The following CAMK4 variants were observed in gnomAD, a reference collection of about 807,000 sequenced individuals.
CAMK4 encodes the protein calcium/calmodulin-dependent protein kinase type IV.
Under a neutral mutation model 44.9 loss-of-function variants are expected in CAMK4, and 22 were observed. That is an observed-to-expected ratio of 0.49 (90% confidence interval 0.35 to 0.70). The LOEUF (loss-of-function observed/expected upper bound fraction) is 0.70, where lower values mean the gene tolerates loss of function less well. Ranked by LOEUF, CAMK4 falls within the 30% of genes least tolerant of loss-of-function variation. The probability of loss-of-function intolerance (pLI) is 0.01; values close to 1 mark genes in which losing one functional copy is unlikely to be tolerated. For synonymous variants in CAMK4, 218 were observed against 215.4 expected (o/e 1.01, Z -0.11); for missense variants, 498 against 586.8 (o/e 0.85, Z 1.56).
At chr5:111,267,543 A>T (rs1386295793) in intron 1 of CAMK4, among the ~76,000 whole-genome samples, 2 of 151,922 alleles carry the variant, frequency 1.3e-5, no homozygotes, top group South Asian at 4.1e-4. Flanking sequence ...TCTCTACTAA[A>T]AATACAAAAA....
At chr5:111,253,786 T>C (rs1338656676) in intron 1 of CAMK4, among the ~76,000 whole-genome samples, 9 of 152,216 alleles carry the variant, frequency 5.9e-5, no homozygotes, top group Admixed American at 3.3e-4. Flanking sequence ...AATTTCCATT[T>C]TAATTTTCTA....
intron 1 of CAMK4, among the ~76,000 whole-genome samples, chr5:111,315,688 C>T (rs1021211442): frequency 6.6e-5 from 10 of 151,930 alleles, no homozygotes; most frequent in African/African-American, 2.2e-4. Context: ...CCCCAATGTG[C>T]GTAGGAGGAG....
intron 1 of CAMK4, among the ~76,000 whole-genome samples, chr5:111,310,710 G>A (rs1580568264): frequency 1.3e-5 from 2 of 152,160 alleles, no homozygotes; most frequent in Non-Finnish European, 2.9e-5. Flanking sequence ...CTAAGGGTAT[G>A]TTCTGAGCGA....
At chr5:111,253,966 C>A (rs960867017) in intron 1 of CAMK4, among the ~76,000 whole-genome samples, 4 of 152,086 alleles carry the variant, frequency 2.6e-5, no homozygotes, top group African/African-American at 9.7e-5. Flanking sequence ...TAAGCATTTT[C>A]TTTTCACCTG....
At chr5:111,226,272 A>G (rs1244703450) in intron 1 of CAMK4, among the ~76,000 whole-genome samples, 3 of 152,202 alleles carry the variant, frequency 2.0e-5, no homozygotes, top group East Asian at 3.8e-4. Context: ...GAAAAATGGG[A>G]AAAAAATAAA....
chr5:111,258,332 T>G (rs933452865), intron 1 of CAMK4, among the ~76,000 whole-genome samples: 5 of 152,194 alleles, frequency 3.3e-5, no homozygotes, highest in African/African-American at 4.8e-5. Context: ...AATACCGCAT[T>G]CAGGCTGACT....
chr5:111,479,747 G>T (rs751005861), intron 9 of CAMK4, among the ~76,000 whole-genome samples: 1 of 152,036 alleles, frequency 6.6e-6, no homozygotes, highest in Non-Finnish European at 1.5e-5. Context: ...AAGGCTCATG[G>T]CTTTTCCAGC....
intron 2 of CAMK4, among the ~76,000 whole-genome samples, chr5:111,369,746 C>T (rs760690731): frequency 6.6e-6 from 1 of 152,168 alleles, no homozygotes; most frequent in Non-Finnish European, 1.5e-5. Context: ...TATAAAATGG[C>T]ATAGTATTTG....
At chr5:111,313,762 A>G (rs548090737) in intron 1 of CAMK4, among the ~76,000 whole-genome samples, 4 of 152,202 alleles carry the variant, frequency 2.6e-5, no homozygotes, top group Admixed American at 6.6e-5. Context: ...CTTTAAGTGA[A>G]TTTCATCTGG....
At chr5:111,375,244 C>T (rs2112823881) in intron 3 of CAMK4, among the ~76,000 whole-genome samples, 1 of 152,260 alleles carries the variant, frequency 6.6e-6, no homozygotes, top group African/African-American at 2.4e-5. Flanking sequence ...TATTAATTTT[C>T]CATTACTGAA....
intron 7 of CAMK4, among the ~76,000 whole-genome samples, chr5:111,456,186 A>C (rs1201048885): frequency 1.3e-5 from 2 of 151,994 alleles, no homozygotes; most frequent in Admixed American, 6.6e-5. Context: ...TCTTTAGTTT[A>C]GAAATAAAAA....
At position 111,388,757 on chromosome 5, in the gene CAMK4, C is replaced by T. The variant is rs1052925480; in HGVS notation, c.387-5953C>T. Among the ~76,000 whole-genome samples the T allele has an allele frequency of 9.2e-5, 14 of 152,158 alleles. 1 individual carries two copies. Among genetic ancestry groups the T allele is most frequent in the East Asian group, 3.9e-4 (2 of 5,164 alleles). ...AGTGGCCAGCACATAACAGTCTCTCCGTAATATTTATTGAATAAATAAATT... is the reference window on the plus strand; with the variant it reads ...AGTGGCCAGCACATAACAGTCTCTCTGTAATATTTATTGAATAAATAAATT... On this transcript the variant is annotated intron_variant, in intron 4 of 10. Coordinates refer to ENST00000282356, the MANE Select transcript of CAMK4 (RefSeq NM_001744.6).
chr5:111,434,063 G>A (rs1333890705), intron 5 of CAMK4, among the ~76,000 whole-genome samples: 2 of 152,096 alleles, frequency 1.3e-5, no homozygotes, highest in Non-Finnish European at 2.9e-5. Context: ...TTGGGAGGCC[G>A]AGCAGGCGGA....
intron 1 of CAMK4, among the ~76,000 whole-genome samples, chr5:111,326,437 A>G (rs771204175): frequency 1.1e-4 from 17 of 152,018 alleles, no homozygotes; most frequent in Non-Finnish European, 2.4e-4. Context: ...TGTTAAGTAA[A>G]TACATTTTCT....
At chr5:111,316,591 G>C (rs1015333482) in intron 1 of CAMK4, among the ~76,000 whole-genome samples, 1 of 152,108 alleles carries the variant, frequency 6.6e-6, no homozygotes, top group Non-Finnish European at 1.5e-5. Flanking sequence ...GCACGGTGAA[G>C]GCTCCTCTAC....
chr5:111,347,884 T>G (rs1253220453), intron 2 of CAMK4, among the ~76,000 whole-genome samples: 1 of 152,040 alleles, frequency 6.6e-6, no homozygotes, highest in African/African-American at 2.4e-5. Flanking sequence ...TAAGATGAAT[T>G]TCAAAATATT....
rs575090305 is a variant in CAMK4 at position 111,331,149 on chromosome 5, C to T, written c.162-12875C>T. ...TTAAAAGATTATGATTATCAAAAGA[C>T]ACCATTAAGAACAATAACAAAGCAA... On this transcript the variant is annotated intron_variant, in intron 1 of 10. Coordinates refer to ENST00000282356, the MANE Select transcript of CAMK4 (RefSeq NM_001744.6). 1.5e-4 allele frequency among the ~76,000 whole-genome samples: 23 copies of T among 151,618 alleles called. No individual in the cohort carries two copies. In the South Asian group the frequency reaches 4.8e-3, roughly 31 times the overall value.
At chr5:111,465,560 A>G (rs959391054) in intron 7 of CAMK4, among the ~76,000 whole-genome samples, 4 of 152,214 alleles carry the variant, frequency 2.6e-5, no homozygotes, top group South Asian at 4.1e-4. Context: ...AAGATCATTC[A>G]GGGCTACTAT....
intron 10 of CAMK4, among the ~76,000 whole-genome samples, chr5:111,483,408 T>C (rs148120685): frequency 6.6e-6 from 1 of 152,318 alleles, no homozygotes; most frequent in East Asian, 1.9e-4. Flanking sequence ...TCATTTTATA[T>C]AGTACCTATC....
Sources: allele counts gnomAD v4.1 joint callset (sites outside exome capture counted in the v4.1 genomes callset), GRCh38; gene constraint gnomAD v4.1.1; transcripts MANE v1.5; gene names NCBI Gene and HGNC (gene_info 2026-07-23, HGNC 2026-07-21).